Variants in TAF10 observed in about 807,000 individuals in gnomAD.
TAF10 encodes the protein transcription initiation factor TFIID subunit 10.
A neutral mutation model predicts 18.1 loss-of-function variants in TAF10; 2 were observed. The ratio of observed to expected loss-of-function variants is 0.11; its 90% CI spans 0.05 to 0.35. TAF10 has a LOEUF of 0.35. Among genes scored for constraint, TAF10 ranks in the 10% least tolerant of loss-of-function variants. The pLI is 1.00. For missense variants in TAF10, 293 were observed against 306.9 expected, an observed-to-expected ratio of 0.95 and a Z score of 0.34; for synonymous variants, 158 against 134.6, an observed-to-expected ratio of 1.17 and a Z score of -1.20.
Position 6,610,124 on chromosome 11 carries a change from A to G in TAF10, c.*798T>C. 2 of 1,614,206 alleles carry G rather than the reference A, an allele frequency of 1.2e-6. No individual in the cohort carries two copies. The highest frequency in any genetic ancestry group is 1.7e-6 in the Non-Finnish European group (2 of 1,180,022). On this transcript the variant is annotated 3_prime_UTR_variant, in exon 5 of 5. Coordinates refer to ENST00000299424, the MANE Select transcript of TAF10 (RefSeq NM_006284.4). ...GAGACAGGACAGGCAAGGGGGCCAG[A>G]ACAGACAAGCCCTATCTCTCCAGCT...
Position 6,608,501 on chromosome 11 carries a change from G to C in TAF10, c.*2421C>G. On this transcript the variant is annotated 3_prime_UTR_variant, in exon 5 of 5. Coordinates refer to ENST00000299424, the MANE Select transcript of TAF10 (RefSeq NM_006284.4). The surrounding 1 kb of genome is among the most constrained non-coding windows in gnomAD (Gnocchi z 4.9). Reference sequence around the variant, plus strand: ...ATCAAGTGGCAGAGGTGAGTACTCAGCCCTTAATTCCTGAGATGGGTAGGA... The same window carrying C: ...ATCAAGTGGCAGAGGTGAGTACTCACCCCTTAATTCCTGAGATGGGTAGGA... The C allele has an allele frequency of 6.2e-7, 1 of 1,604,422 alleles. No homozygotes were observed. Among genetic ancestry groups the C allele is most frequent in the Non-Finnish European group, 8.5e-7 (1 of 1,171,196 alleles).
At position 6,606,999 on chromosome 11, in the gene TAF10, A is replaced by G. The variant is rs1854978306; in HGVS notation, c.*3923T>C. 6.6e-6 allele frequency: 1 copy of G among 152,270 alleles called. No individual in the cohort carries two copies. Among genetic ancestry groups the G allele is most frequent in the African/African-American group, 2.4e-5 (1 of 41,442 alleles). 9.4% of individuals were successfully genotyped at this position (152,270 alleles called of 1,614,324 possible). A position where few individuals can be genotyped will look rare whatever the true frequency, so the allele number is the denominator to read the frequency against. On this transcript the variant is annotated 3_prime_UTR_variant, in exon 5 of 5. Coordinates refer to ENST00000299424, the MANE Select transcript of TAF10 (RefSeq NM_006284.4). The stretch of plus-strand genomic sequence containing the variant: ...GAGCAAGTTGTGGAGGAAAATGATT[A>G]ACTTAAAGGCCACACCCCCCAACCC...
At chr11:6,611,487 G>A (rs1038363613) in intron 2 of TAF10, 35 bp from the exon 3 acceptor site, 1 of 1,612,874 alleles carries the variant, frequency 6.2e-7, no homozygotes. Flanking sequence ...TCAGCAGAGC[G>A]GGAGGAGGGT....
At chr11:6,611,342 C>A (rs200280877) in intron 3 of TAF10, 39 bp from the exon 4 acceptor site, 1 of 1,614,084 alleles carries the variant, frequency 6.2e-7, no homozygotes, top group Admixed American at 1.7e-5. Flanking sequence ...AGATGGACAA[C>A]ATACTGCACA....
rs761949762 is a variant in TAF10, at chr11:6,608,805, C to CCCCT, written c.*2113_*2116dup. Reference sequence around the variant, plus strand: ...GCTTCTCCGAGGTCCATCTCCCCATCCCCTAGCTTGTGTCCTCTCGTCCCT... The same window carrying CCCCT: ...GCTTCTCCGAGGTCCATCTCCCCATCCCCTCCCTAGCTTGTGTCCTCTCGTCCCT... On this transcript the variant is annotated 3_prime_UTR_variant, in exon 5 of 5. Transcript: ENST00000299424. This position sits in a 1 kb window ranked among gnomAD's most constrained non-coding sequence, Gnocchi z 4.9. 19 of 1,612,380 alleles carry CCCCT rather than the reference C, an allele frequency of 1.2e-5. No individual in the cohort carries two copies. Among genetic ancestry groups the CCCCT allele is most frequent in the Non-Finnish European group, 1.6e-5 (19 of 1,178,412 alleles).
In TAF10 at chr11:6,608,771, C is replaced by G; in HGVS notation, c.*2151G>C. ...TGCCTGTGGACAAAGCCAAGGCACC[C>G]CTGAGAGAGCTTCTCCGAGGTCCAT... On this transcript the variant is annotated 3_prime_UTR_variant, in exon 5 of 5. Coordinates refer to ENST00000299424, the MANE Select transcript of TAF10 (RefSeq NM_006284.4). The surrounding 1 kb of genome is among the most constrained non-coding windows in gnomAD (Gnocchi z 4.9). 6.2e-7 allele frequency: 1 copy of G among 1,614,010 alleles called. No homozygotes were observed. The highest frequency in any genetic ancestry group is 8.5e-7 in the Non-Finnish European group (1 of 1,179,898).
Position 6,610,438 on chromosome 11 carries a change from C to G in TAF10, c.*484G>C, listed in dbSNP as rs1007786047. On this transcript the variant is annotated 3_prime_UTR_variant, in exon 5 of 5. Transcript: ENST00000299424. ...TACATGACAGACTCAAATTGTGAGG[C>G]TGCTTTTTTTCTTGTATTCGCAGGT... 25 of 1,614,170 alleles carry G rather than the reference C, an allele frequency of 1.5e-5. No individual in the cohort carries two copies. Among genetic ancestry groups the G allele is most frequent in the Non-Finnish European group, 2.1e-5 (25 of 1,180,012 alleles).
chr11:6,608,781 C>G lies in TAF10; in HGVS notation c.*2141G>C. On this transcript the variant is annotated 3_prime_UTR_variant, in exon 5 of 5. Transcript: ENST00000299424. This position sits in a 1 kb window ranked among gnomAD's most constrained non-coding sequence, Gnocchi z 4.9. ...CAAAGCCAAGGCACCCCTGAGAGAG[C>G]TTCTCCGAGGTCCATCTCCCCATCC... The G allele has an allele frequency of 6.2e-7, 1 of 1,613,754 alleles. No individual in the cohort carries two copies. Among genetic ancestry groups the G allele is most frequent in the Non-Finnish European group, 8.5e-7 (1 of 1,179,652 alleles).
Position 6,608,236 on chromosome 11 carries a change from C to G in TAF10, c.*2686G>C. On this transcript the variant is annotated 3_prime_UTR_variant, in exon 5 of 5. Transcript: ENST00000299424. This position sits in a 1 kb window ranked among gnomAD's most constrained non-coding sequence, Gnocchi z 4.9. ...GGTACGTACAAACTCCTTCGTCATC[C>G]ACATCACATACATGCCATGAGGGTC... The G allele has an allele frequency of 6.2e-7, 1 of 1,613,326 alleles. No individual in the cohort carries two copies. The highest frequency in any genetic ancestry group is 1.1e-5 in the South Asian group (1 of 91,060).
In TAF10 at chr11:6,610,326, G is replaced by A; in HGVS notation, c.*596C>T. ...TTGTGTTGCGGGAGTGGTTGGTGAT[G>A]GTGAAAATAACTGTAGTGGGCCTTG... On this transcript the variant is annotated 3_prime_UTR_variant, in exon 5 of 5. Transcript: ENST00000299424. 6.2e-7 allele frequency: 1 copy of A among 1,613,794 alleles called. No individual in the cohort carries two copies. The highest frequency in any genetic ancestry group is 8.5e-7 in the Non-Finnish European group (1 of 1,179,974).
chr11:6,611,036 A>G (rs1159885660), intron 4 of TAF10, 25 bp from the exon 5 acceptor site: 4 of 1,612,258 alleles, frequency 2.5e-6, no homozygotes, highest in South Asian at 1.1e-5. Context: ...AAGAGCACCA[A>G]CTGAGCACAG....
At position 6,610,434 on chromosome 11, in the gene TAF10, G is replaced by A. The variant is rs776656271; in HGVS notation, c.*488C>T. The A allele has an allele frequency of 3.1e-6, 5 of 1,614,066 alleles. No individual in the cohort carries two copies. The highest frequency in any genetic ancestry group is 3.3e-5 in the Admixed American group (2 of 60,006). ...TCTCTACATGACAGACTCAAATTGT[G>A]AGGCTGCTTTTTTTCTTGTATTCGC... On this transcript the variant is annotated 3_prime_UTR_variant, in exon 5 of 5. Transcript: ENST00000299424.
chr11:6,608,853 T>A lies in TAF10; in HGVS notation c.*2069A>T. 1.2e-6 allele frequency: 2 copies of A among 1,613,722 alleles called. No individual in the cohort carries two copies. Among genetic ancestry groups the A allele is most frequent in the Non-Finnish European group, 1.7e-6 (2 of 1,179,610 alleles). ...CCTTCCCACCTGTCTTCTCCCTCTG[T>A]ACCACAGCTTAGGTTGTTTTTCTTC... On this transcript the variant is annotated 3_prime_UTR_variant, in exon 5 of 5. Coordinates refer to ENST00000299424, the MANE Select transcript of TAF10 (RefSeq NM_006284.4). The surrounding 1 kb of genome is among the most constrained non-coding windows in gnomAD (Gnocchi z 4.9).
chr11:6,611,476 G>A lies in TAF10; in HGVS notation c.388-24C>T, dbSNP rs1371923911. Reference sequence around the variant, plus strand: ...ATCTGAGAAATCAATTAAGAGAACTGTCAGCAGAGCGGGAGGAGGGTGAGG... The same window carrying A: ...ATCTGAGAAATCAATTAAGAGAACTATCAGCAGAGCGGGAGGAGGGTGAGG... On this transcript the variant is annotated intron_variant, in intron 2 of 4. Transcript: ENST00000299424. 4 of 1,613,752 alleles carry A rather than the reference G, an allele frequency of 2.5e-6. No individual in the cohort carries two copies. The East Asian group carries it at 6.7e-5, about 27-fold the overall frequency.
In TAF10 at chr11:6,609,275, TCCTAACC is replaced by T; in HGVS notation, c.*1640_*1646del. ...GGAAGTGGCAGCAACATTTCAAGCC[TCCTAACC>T]CCTACCTGTCCTGCAGCTATGGAAG... On this transcript the variant is annotated 3_prime_UTR_variant, in exon 5 of 5. Coordinates refer to ENST00000299424, the MANE Select transcript of TAF10 (RefSeq NM_006284.4). The T allele has an allele frequency of 6.2e-7, 1 of 1,611,544 alleles. No homozygotes were observed. Among genetic ancestry groups the T allele is most frequent in the Non-Finnish European group, 8.5e-7 (1 of 1,177,692 alleles).
rs767383055 is a variant in TAF10 at position 6,609,128 on chromosome 11, C to A, written c.*1794G>T. ...GACTTCAAACAGCTTAACTTCCTGA[C>A]GAAGCTCAACGAGAATCACTCTGGA... is the stretch of plus-strand genomic sequence containing the variant. On this transcript the variant is annotated 3_prime_UTR_variant, in exon 5 of 5. Transcript: ENST00000299424. The A allele has an allele frequency of 1.9e-6, 3 of 1,614,128 alleles. No homozygotes were observed. The highest frequency in any genetic ancestry group is 8.5e-7 in the Non-Finnish European group (1 of 1,179,956).
Position 6,609,576 on chromosome 11 carries a change from C to T in TAF10, c.*1346G>A. ...CTGCCAGTCTCCACCTGCTCCTCATCCTACTCTCATCACACACTGGATGCC... is the reference window on the plus strand; with the variant it reads ...CTGCCAGTCTCCACCTGCTCCTCATTCTACTCTCATCACACACTGGATGCC... On this transcript the variant is annotated 3_prime_UTR_variant, in exon 5 of 5. Coordinates refer to ENST00000299424, the MANE Select transcript of TAF10 (RefSeq NM_006284.4). 1 of 1,614,196 alleles carries T rather than the reference C, an allele frequency of 6.2e-7. No homozygotes were observed. The highest frequency in any genetic ancestry group is 1.6e-4 in the Middle Eastern group (1 of 6,062).
At position 6,610,991 on chromosome 11, in the gene TAF10, G is replaced by A. The variant is rs749294826; in HGVS notation, c.588C>T (p.Thr196=). ...SKSKDRKYTL[T]MEDLTPALSE... Reference sequence around the variant, plus strand: ...TGAGGGCAGGGGTCAAGTCCTCCATGGTTAGAGTGTACTTGCGGTCCTGAG... The same window carrying A: ...TGAGGGCAGGGGTCAAGTCCTCCATAGTTAGAGTGTACTTGCGGTCCTGAG... Residue 196 remains threonine (T), a synonymous_variant, in exon 5 of 5, where the codon ACC becomes ACT. Coordinates refer to ENST00000299424, the MANE Select transcript of TAF10 (RefSeq NM_006284.4). 2 of 1,614,168 alleles carry A rather than the reference G, an allele frequency of 1.2e-6. No homozygotes were observed. Among genetic ancestry groups the A allele is most frequent in the South Asian group, 2.2e-5 (2 of 91,080 alleles).
In TAF10 at chr11:6,609,459, G is replaced by A. The variant is rs1370155768; in HGVS notation, c.*1463C>T. The A allele has an allele frequency of 1.2e-6, 2 of 1,614,014 alleles. No individual in the cohort carries two copies. Among genetic ancestry groups the A allele is most frequent in the Non-Finnish European group, 1.7e-6 (2 of 1,179,948 alleles). Reference sequence around the variant, plus strand: ...TGCTAGTTCCAAGGAACCCTGAATAGCACTGAAAGAGATCTTTTGTACTGG... The same window carrying A: ...TGCTAGTTCCAAGGAACCCTGAATAACACTGAAAGAGATCTTTTGTACTGG... On this transcript the variant is annotated 3_prime_UTR_variant, in exon 5 of 5. Transcript: ENST00000299424.
Sources: allele counts gnomAD v4.1 joint callset, GRCh38; gene constraint gnomAD v4.1.1; non-coding constraint Gnocchi (gnomAD v3.1); transcripts MANE v1.5; gene names NCBI Gene and HGNC (gene_info 2026-07-23, HGNC 2026-07-21).